Variants in DYNC1I1 observed in about 807,000 individuals in gnomAD.
The protein encoded by DYNC1I1 is cytoplasmic dynein 1 intermediate chain 1.
A neutral mutation model predicts 86.6 loss-of-function variants in DYNC1I1; 43 were observed. That is an observed-to-expected ratio of 0.50 (90% CI 0.39 to 0.64). DYNC1I1 has a LOEUF of 0.64. Ranked by LOEUF, DYNC1I1 falls within the 30% of genes least tolerant of loss-of-function variation. The pLI is 0.00. For synonymous variants in DYNC1I1, 262 were observed against 283.7 expected (o/e 0.92, Z 0.77); for missense variants, 604 against 788.8 (o/e 0.77, Z 2.81).
intron 5 of DYNC1I1, among the ~76,000 whole-genome samples, chr7:95,848,980 T>G (rs1789509118): frequency 6.6e-6 from 1 of 152,172 alleles, no homozygotes; most frequent in East Asian, 1.9e-4. Context: ...TGATGATTAA[T>G]GATGTTGAGC....
intron 14 of DYNC1I1, among the ~76,000 whole-genome samples, chr7:96,074,836 A>G (rs1249732074): frequency 1.3e-5 from 2 of 152,170 alleles, no homozygotes; most frequent in Non-Finnish European, 2.9e-5. Flanking sequence ...ATAGGATTTG[A>G]TTGTTCATAT....
intron 9 of DYNC1I1, among the ~76,000 whole-genome samples, chr7:95,989,584 G>A (rs572493999): frequency 2.6e-5 from 4 of 152,322 alleles, no homozygotes; most frequent in African/African-American, 9.6e-5. Flanking sequence ...CCCTGAGGAG[G>A]CACGGGGTGG....
intron 14 of DYNC1I1, among the ~76,000 whole-genome samples, chr7:96,055,009 C>A (rs1024012064): frequency 1.3e-5 from 2 of 152,094 alleles, no homozygotes; most frequent in Admixed American, 1.3e-4. Context: ...GTTGCCATTG[C>A]TTTTGGTGTT....
At chr7:96,104,153 T>C (rs1791179641) in intron 16 of DYNC1I1, among the ~76,000 whole-genome samples, 1 of 152,146 alleles carries the variant, frequency 6.6e-6, no homozygotes, top group East Asian at 1.9e-4. Flanking sequence ...TTTAAAATTA[T>C]TTCTATTTAT....
At chr7:96,082,186 T>C (rs1027366789) in intron 16 of DYNC1I1, among the ~76,000 whole-genome samples, 1 of 152,032 alleles carries the variant, frequency 6.6e-6, no homozygotes, top group African/African-American at 2.4e-5. Flanking sequence ...ATCTTTCTCA[T>C]GGCCCTCATC....
intron 6 of DYNC1I1, among the ~76,000 whole-genome samples, chr7:95,919,904 T>C (rs1791566888): frequency 6.6e-6 from 1 of 151,838 alleles, no homozygotes; most frequent in Non-Finnish European, 1.5e-5. Context: ...TAGCCAGGAG[T>C]CCATAATAAA....
At chr7:96,102,455 A>G (rs906288602), downstream of DYNC1I1, among the ~76,000 whole-genome samples, 1 of 152,208 alleles carries the variant, frequency 6.6e-6, no homozygotes, top group Non-Finnish European at 1.5e-5. Context: ...AATCTCCCCA[A>G]TGTTTAAGAG....
At chr7:95,844,625 A>G (rs1312100134) in intron 5 of DYNC1I1, among the ~76,000 whole-genome samples, 1 of 151,434 alleles carries the variant, frequency 6.6e-6, no homozygotes, top group African/African-American at 2.4e-5. Flanking sequence ...GGTTCTTTTG[A>G]TTGGTTGGGG....
intron 5 of DYNC1I1, among the ~76,000 whole-genome samples, chr7:95,851,625 T>G (rs990407595): frequency 2.6e-5 from 4 of 152,144 alleles, no homozygotes; most frequent in Non-Finnish European, 4.4e-5. Context: ...AGTATTTTGT[T>G]GAGGATTTTT....
At chr7:95,971,988 G>C (rs1481989045) in intron 6 of DYNC1I1, among the ~76,000 whole-genome samples, 1 of 152,128 alleles carries the variant, frequency 6.6e-6, no homozygotes, top group Non-Finnish European at 1.5e-5. Context: ...AGCATCAAGG[G>C]CTCTGGCAGG....
intron 4 of DYNC1I1, among the ~76,000 whole-genome samples, chr7:95,815,125 C>A (rs753794473): frequency 1.4e-4 from 22 of 151,986 alleles, no homozygotes; most frequent in Non-Finnish European, 1.2e-4. Flanking sequence ...AGTTGAGGAG[C>A]CCTTTGGAAA....
chr7:96,058,035 T>C (rs1789638845), intron 14 of DYNC1I1, among the ~76,000 whole-genome samples: 1 of 152,206 alleles, frequency 6.6e-6, no homozygotes, highest in Middle Eastern at 3.2e-3. Flanking sequence ...TTTCACTCCA[T>C]TGATCTTTCC....
At chr7:95,983,978 G>C (rs191326447) in intron 7 of DYNC1I1, among the ~76,000 whole-genome samples, 2 of 152,272 alleles carry the variant, frequency 1.3e-5, no homozygotes, top group East Asian at 3.9e-4. Flanking sequence ...GGTCTGGGGA[G>C]TTCCTAATCC....
chr7:96,063,635 T>G lies in DYNC1I1; in HGVS notation c.1510-12422T>G, dbSNP rs1213736706. ...TCTCCTCTTTTTATAAGAACACCAG[T>G]CATACTGGATTACAGCCCGCCCATA... On this transcript the variant is annotated intron_variant, in intron 14 of 16. Transcript: ENST00000447467. Among the ~76,000 whole-genome samples, 3 of 152,120 alleles carry G rather than the reference T, an allele frequency of 2.0e-5. No homozygotes were observed. The East Asian group carries it at 5.8e-4, about 29-fold the overall frequency.
At chr7:95,970,106 G>T (rs1207123434) in intron 6 of DYNC1I1, among the ~76,000 whole-genome samples, 1 of 152,136 alleles carries the variant, frequency 6.6e-6, no homozygotes, top group Non-Finnish European at 1.5e-5. Context: ...AAGTTGGCAA[G>T]CTGTATCCAA....
rs551101986 is a variant in DYNC1I1, at chr7:95,951,600, C to T, written c.491-25912C>T. ...ACAGATTAAGATTAAAATATCTTTT[C>T]TATGGCACTATCTGAAACTTATGCT... On this transcript the variant is annotated intron_variant, in intron 6 of 16. Transcript: ENST00000447467. 7.2e-5 allele frequency among the ~76,000 whole-genome samples: 11 copies of T among 152,338 alleles called. No homozygotes were observed. In the South Asian group the frequency reaches 2.3e-3, roughly 32 times the overall value.
intron 6 of DYNC1I1, among the ~76,000 whole-genome samples, chr7:95,939,132 T>C (rs928698762): frequency 9.9e-5 from 15 of 152,220 alleles, no homozygotes; most frequent in African/African-American, 2.9e-4. Flanking sequence ...AATCCTGAGT[T>C]CTAGTTTGAT....
intron 9 of DYNC1I1, among the ~76,000 whole-genome samples, chr7:95,989,346 T>G (rs1404750605): frequency 6.6e-6 from 1 of 152,134 alleles, no homozygotes; most frequent in Non-Finnish European, 1.5e-5. Flanking sequence ...ACACAGTGAG[T>G]GATCTTGCAG....
chr7:95,813,201 C>T lies in DYNC1I1; in HGVS notation c.224-46C>T. 3 of 1,612,022 alleles carry T rather than the reference C, an allele frequency of 1.9e-6. No homozygotes were observed. The highest frequency in any genetic ancestry group is 1.1e-5 in the South Asian group (1 of 91,010). On this transcript the variant is annotated intron_variant, in intron 3 of 16. Transcript: ENST00000447467. Reference sequence around the variant, plus strand: ...CTGACACTGCTCTTCACCAGTGCAGCCGCTGCATTTTTTAACATGGGATAC... The same window carrying T: ...CTGACACTGCTCTTCACCAGTGCAGTCGCTGCATTTTTTAACATGGGATAC...
Sources: allele counts gnomAD v4.1 joint callset (sites outside exome capture counted in the v4.1 genomes callset), GRCh38; gene constraint gnomAD v4.1.1; transcripts MANE v1.5; gene names NCBI Gene and HGNC (gene_info 2026-07-23, HGNC 2026-07-21).